Variants in SPOCK3 observed in about 807,000 individuals in gnomAD.
SPOCK3 encodes the protein testican-3.
In SPOCK3, 30 loss-of-function variants were observed where a neutral mutation model predicts 56.6. That is an observed-to-expected ratio of 0.53 (90% confidence interval 0.40 to 0.72). The LOEUF (loss-of-function observed/expected upper bound fraction) is 0.72, where lower values mean the gene tolerates loss of function less well. Among genes scored for constraint, SPOCK3 ranks in the 30% least tolerant of loss-of-function variants. SPOCK3 has a pLI of 0.00. For synonymous variants in SPOCK3, 196 were observed against 183.3 expected (o/e 1.07, Z -0.56); for missense variants, 527 against 530.0 (o/e 0.99, Z 0.06).
chr4:166,900,716 T>C (rs1189288821), intron 5 of SPOCK3, among the ~76,000 whole-genome samples: 1 of 152,162 alleles, frequency 6.6e-6, no homozygotes, highest in South Asian at 2.1e-4. Flanking sequence ...AATGGGTCTC[T>C]CTTTATAAAA....
chr4:166,855,707 A>T (rs1358991026), intron 6 of SPOCK3, among the ~76,000 whole-genome samples: 1 of 152,228 alleles, frequency 6.6e-6, no homozygotes, highest in Non-Finnish European at 1.5e-5. Context: ...GGAAAATCTT[A>T]CATCAGAATC....
At chr4:167,049,108 C>CTT (rs34903732) in intron 3 of SPOCK3, among the ~76,000 whole-genome samples, 16,384 of 144,014 alleles carry the variant, frequency 0.11, 1,109 homozygotes, top group Middle Eastern at 0.2. Flanking sequence ...TTTTCTTTTT[C>CTT]TTTTTTTTTT....
intron 2 of SPOCK3, among the ~76,000 whole-genome samples, chr4:167,233,075 TA>T (rs1331789757): frequency 6.6e-6 from 1 of 152,192 alleles, no homozygotes; most frequent in Non-Finnish European, 1.5e-5. Context: ...AAGGGTGGGC[TA>T]GGGGCGGTAT....
intron 3 of SPOCK3, among the ~76,000 whole-genome samples, chr4:167,013,560 AT>A (rs1750307616): frequency 6.6e-6 from 1 of 151,344 alleles, no homozygotes; most frequent in South Asian, 2.1e-4. Context: ...ATCATAAAAT[AT>A]TTTTACCGGT....
intron 4 of SPOCK3, among the ~76,000 whole-genome samples, chr4:166,955,664 A>G (rs1051538370): frequency 6.8e-6 from 1 of 146,972 alleles, no homozygotes; most frequent in African/African-American, 2.5e-5. Flanking sequence ...ATAAATTATA[A>G]TATATAGAGA....
intron 5 of SPOCK3, among the ~76,000 whole-genome samples, chr4:166,893,330 AAATAACAATTCTACAAACCAACTGTC>A (rs954318514): frequency 1.3e-5 from 2 of 152,128 alleles, no homozygotes; most frequent in Non-Finnish European, 2.9e-5. Context: ...AATCCATATA[AAATAACAATTCTACAAACCAACTGTC>A]AATAACAATT....
intron 2 of SPOCK3, among the ~76,000 whole-genome samples, chr4:167,086,228 TTCA>T (rs779973691): frequency 1.3e-5 from 2 of 152,114 alleles, no homozygotes; most frequent in Non-Finnish European, 2.9e-5. Context: ...ACTATAATAG[TTCA>T]TCAGAAGACA....
chr4:166,752,165 C>T (rs147593492), intron 8 of SPOCK3, among the ~76,000 whole-genome samples: 87 of 152,064 alleles, frequency 5.7e-4, no homozygotes, highest in African/African-American at 1.8e-3. Context: ...GCTAGGACTA[C>T]AGGCATGTAC....
At chr4:167,103,033 G>A (rs534824286) in intron 2 of SPOCK3, among the ~76,000 whole-genome samples, 1 of 151,668 alleles carries the variant, frequency 6.6e-6, no homozygotes, top group African/African-American at 2.4e-5. Context: ...CCACCCCGTG[G>A]TAGGGACATG....
chr4:167,087,927 G>C (rs1341147282), intron 2 of SPOCK3, among the ~76,000 whole-genome samples: 2 of 151,768 alleles, frequency 1.3e-5, no homozygotes, highest in Admixed American at 1.3e-4. Flanking sequence ...TTTAGCTGTT[G>C]TTTTTATGGA....
chr4:166,798,311 C>T (rs1742186870), intron 6 of SPOCK3, among the ~76,000 whole-genome samples: 1 of 152,150 alleles, frequency 6.6e-6, no homozygotes, highest in Admixed American at 6.5e-5. Flanking sequence ...ATTGTGTAAC[C>T]TCAGTTGATT....
Position 166,889,218 on chromosome 4 carries a change from G to C in SPOCK3, c.501C>G (p.Val167=), listed in dbSNP as rs751016424. The change falls in exon 6 of 11, where the codon GTC becomes GTG. Residue 167 remains valine (V), a synonymous_variant. Coordinates refer to ENST00000357545, the MANE Select transcript of SPOCK3 (RefSeq NM_001040159.2). ...ATTTGACTGAGATCTGTTTTCCTAAGACACATGCCTGATATTCTAGTTTGC... is the reference window on the plus strand; with the variant it reads ...ATTTGACTGAGATCTGTTTTCCTAACACACATGCCTGATATTCTAGTTTGC... ...FQCKLEYQAC[V]LGKQISVKCE... is the part of the protein sequence containing the mutation. 47 of 1,610,220 alleles carry C rather than the reference G, an allele frequency of 2.9e-5. No homozygotes were observed. Among genetic ancestry groups the C allele is most frequent in the Non-Finnish European group, 2.5e-6 (3 of 1,177,454 alleles).
chr4:167,111,742 C>T (rs1760915664), intron 2 of SPOCK3, among the ~76,000 whole-genome samples: 1 of 151,416 alleles, frequency 6.6e-6, no homozygotes, highest in Non-Finnish European at 1.5e-5. Flanking sequence ...AAAGATAGTG[C>T]CACTAGCTTA....
chr4:167,055,631 C>T (rs562795722), intron 3 of SPOCK3, among the ~76,000 whole-genome samples: 9 of 152,328 alleles, frequency 5.9e-5, no homozygotes, highest in Admixed American at 1.3e-4. Flanking sequence ...GCTTAAAATA[C>T]GGTGCACCAG....
Position 166,737,597 on chromosome 4 carries a change from A to G in SPOCK3, c.1002T>C (p.Tyr334=). The G allele has an allele frequency of 6.2e-7, 1 of 1,610,234 alleles. No homozygotes were observed. The highest frequency in any genetic ancestry group is 8.5e-7 in the Non-Finnish European group (1 of 1,178,406). Residue 334 remains tyrosine (Y), a synonymous_variant, in exon 10 of 11, where the codon TAT becomes TAC. Transcript: ENST00000357545. ...AACCATCTTCATCACACAGGGGGAT[A>G]TACTGTCCTGTTGAAACAACACACA... The part of the protein sequence containing the change: ...RQGVKKLLGQ[Y]IPLCDEDGYY...
chr4:167,039,676 TAAA>T (rs34598758), intron 3 of SPOCK3, among the ~76,000 whole-genome samples: 36,803 of 150,424 alleles, frequency 0.24, 5,401 homozygotes, highest in African/African-American at 0.42. Flanking sequence ...ATTTACTAAA[TAAA>T]AAAAAAAAAA....
intron 4 of SPOCK3, among the ~76,000 whole-genome samples, chr4:166,948,269 C>T (rs1742037159): frequency 6.6e-6 from 1 of 152,124 alleles, no homozygotes; most frequent in African/African-American, 2.4e-5. Flanking sequence ...TTGATGAACA[C>T]CTAGATTGAT....
At chr4:166,820,146 A>G (rs1744777406) in intron 6 of SPOCK3, among the ~76,000 whole-genome samples, 1 of 152,044 alleles carries the variant, frequency 6.6e-6, no homozygotes, top group South Asian at 2.1e-4. Flanking sequence ...AAAACAGTGA[A>G]CAGCATACTG....
intron 4 of SPOCK3, among the ~76,000 whole-genome samples, chr4:166,987,206 C>T (rs891184758): frequency 3.3e-5 from 5 of 152,106 alleles, no homozygotes; most frequent in Non-Finnish European, 5.9e-5. Context: ...GGCCATTTTA[C>T]TGTTTTATGG....
Sources: allele counts gnomAD v4.1 joint callset (sites outside exome capture counted in the v4.1 genomes callset), GRCh38; gene constraint gnomAD v4.1.1; transcripts MANE v1.5; gene names NCBI Gene and HGNC (gene_info 2026-07-23, HGNC 2026-07-21).